The following PTPRK variants were observed in gnomAD, a reference collection of about 807,000 sequenced individuals.
PTPRK encodes receptor-type tyrosine-protein phosphatase kappa.
A neutral mutation model predicts 178.0 loss-of-function variants in PTPRK; 75 were observed. The ratio of observed to expected loss-of-function variants is 0.42; its 90% CI spans 0.35 to 0.51. PTPRK has a LOEUF of 0.51. Ranked by LOEUF, PTPRK falls within the 20% of genes least tolerant of loss-of-function variation. PTPRK has a pLI of 0.02. For synonymous variants in PTPRK, 637 were observed against 620.6 expected (o/e 1.03, Z -0.39); for missense variants, 1,441 against 1,797.8 (o/e 0.80, Z 3.59).
chr6:128,296,592 T>G (rs1419731013), intron 3 of PTPRK, among the ~76,000 whole-genome samples: 1 of 152,080 alleles, frequency 6.6e-6, no homozygotes, highest in African/African-American at 2.4e-5. Context: ...AGAAAAGAAT[T>G]TTCAACCCAG....
intron 7 of PTPRK, among the ~76,000 whole-genome samples, chr6:128,150,568 G>A (rs1318943336): frequency 1.3e-5 from 2 of 152,064 alleles, no homozygotes; most frequent in African/African-American, 4.8e-5. Flanking sequence ...TACGCCTTCT[G>A]TCAAGACTTC....
intron 1 of PTPRK, among the ~76,000 whole-genome samples, chr6:128,484,073 C>T (rs960840205): frequency 6.6e-6 from 1 of 151,972 alleles, no homozygotes; most frequent in Admixed American, 6.6e-5. Flanking sequence ...ACCAAAGTGC[C>T]CTTCAAATAT....
chr6:128,470,325 T>C (rs1316727998), intron 1 of PTPRK, among the ~76,000 whole-genome samples: 2 of 152,026 alleles, frequency 1.3e-5, no homozygotes, highest in Non-Finnish European at 2.9e-5. Flanking sequence ...CAAGTGTTTT[T>C]GTGTCCTGAA....
chr6:128,272,146 G>T (rs983022665), intron 3 of PTPRK, among the ~76,000 whole-genome samples: 1 of 152,052 alleles, frequency 6.6e-6, no homozygotes, highest in Non-Finnish European at 1.5e-5. Flanking sequence ...GGAAAAACTG[G>T]CTAGCCATAT....
chr6:128,096,826 A>G (rs934202278), intron 7 of PTPRK, among the ~76,000 whole-genome samples: 2 of 152,208 alleles, frequency 1.3e-5, no homozygotes, highest in African/African-American at 4.8e-5. Flanking sequence ...TAGTGTAAAT[A>G]AAAAAGAATT....
At chr6:128,374,656 T>A (rs748309559) in intron 2 of PTPRK, among the ~76,000 whole-genome samples, 6 of 152,156 alleles carry the variant, frequency 3.9e-5, no homozygotes, top group Admixed American at 3.3e-4. Context: ...CAAGTTATAA[T>A]CTTCTCTGAC....
At chr6:128,506,032 T>C (rs1259569519) in intron 1 of PTPRK, among the ~76,000 whole-genome samples, 3 of 150,350 alleles carry the variant, frequency 2.0e-5, no homozygotes, top group Non-Finnish European at 4.4e-5. Context: ...TTATATAGAA[T>C]TCATAAACAC....
intron 13 of PTPRK, among the ~76,000 whole-genome samples, chr6:128,039,247 A>G (rs570140070): frequency 6.6e-6 from 1 of 152,174 alleles, no homozygotes; most frequent in African/African-American, 2.4e-5. Flanking sequence ...GCTATGGAAT[A>G]CTTATATTTT....
intron 13 of PTPRK, chr6:128,027,974 G>A (rs1372778278): frequency 6.6e-6 from 1 of 152,116 alleles, no homozygotes; most frequent in Non-Finnish European, 1.5e-5. Context: ...CCTTATTGAA[G>A]TTTCTGACTC....
chr6:128,206,207 T>C (rs918911376), intron 6 of PTPRK, among the ~76,000 whole-genome samples: 1 of 151,768 alleles, frequency 6.6e-6, no homozygotes, highest in Non-Finnish European at 1.5e-5. Context: ...TTTATGTCAA[T>C]AATAAAATAT....
chr6:128,192,347 CTT>C (rs2114724689), intron 6 of PTPRK, among the ~76,000 whole-genome samples: 1 of 152,236 alleles, frequency 6.6e-6, no homozygotes, highest in Non-Finnish European at 1.5e-5. Flanking sequence ...CCATGAGTGA[CTT>C]AGCTTTTTCT....
At chr6:127,971,714 C>G (rs1773920113) in intron 29 of PTPRK, among the ~76,000 whole-genome samples, 3 of 151,566 alleles carry the variant, frequency 2.0e-5, no homozygotes, top group Admixed American at 2.0e-4. Flanking sequence ...ACAGTTTAAC[C>G]ATAGATTTTT....
In PTPRK at chr6:127,987,234, TA is replaced by T. The variant is rs1330906345; in HGVS notation, c.3097-1360del. 2.7e-5 allele frequency among the ~76,000 whole-genome samples: 4 copies of T among 147,150 alleles called. No homozygotes were observed. In the East Asian group the frequency reaches 7.8e-4, roughly 29 times the overall value. ...TCTGAATGATTTTCAAATATGTGGT[TA>T]AAAAAACAACCCCCCCCATTTTCTT... On this transcript the variant is annotated intron_variant, in intron 21 of 29. Transcript: ENST00000368226.
chr6:128,116,095 T>C (rs1167733691), intron 7 of PTPRK, among the ~76,000 whole-genome samples: 1 of 152,090 alleles, frequency 6.6e-6, no homozygotes, highest in African/African-American at 2.4e-5. Flanking sequence ...TTTCTTCTAC[T>C]TCTGTTACAC....
intron 13 of PTPRK, among the ~76,000 whole-genome samples, chr6:128,035,063 A>G (rs901845706): frequency 6.6e-6 from 1 of 152,160 alleles, no homozygotes; most frequent in Non-Finnish European, 1.5e-5. Flanking sequence ...TATTCAAAAG[A>G]TGATGCAGAT....
chr6:128,132,572 C>CTCT, intron 7 of PTPRK, among the ~76,000 whole-genome samples: 1 of 152,242 alleles, frequency 6.6e-6, no homozygotes, highest in Admixed American at 6.5e-5. Flanking sequence ...GAACAGCAGT[C>CTCT]ATGTTGGGCT....
intron 2 of PTPRK, among the ~76,000 whole-genome samples, chr6:128,349,842 C>CTA (rs1832895581): frequency 6.6e-6 from 1 of 152,066 alleles, no homozygotes; most frequent in Non-Finnish European, 1.5e-5. Flanking sequence ...TGTGGAAACT[C>CTA]TTTAATGATT....
intron 3 of PTPRK, among the ~76,000 whole-genome samples, chr6:128,302,717 T>C (rs113435122): frequency 2.6e-5 from 4 of 152,298 alleles, no homozygotes; most frequent in African/African-American, 4.8e-5. Context: ...GGCTCTTCTA[T>C]AGACTATCAT....
chr6:128,137,067 C>T (rs972804314), intron 7 of PTPRK, among the ~76,000 whole-genome samples: 1 of 152,166 alleles, frequency 6.6e-6, no homozygotes, highest in Non-Finnish European at 1.5e-5. Flanking sequence ...CTTGTGAGAG[C>T]TATACTCTGC....
Sources: allele counts gnomAD v4.1 joint callset (sites outside exome capture counted in the v4.1 genomes callset), GRCh38; gene constraint gnomAD v4.1.1; transcripts MANE v1.5; gene names NCBI Gene and HGNC (gene_info 2026-07-23, HGNC 2026-07-21).